Variants in ARHGEF3 observed in about 807,000 individuals in gnomAD.
The protein encoded by ARHGEF3 is 59.8 kDA protein.
A neutral mutation model predicts 63.2 loss-of-function variants in ARHGEF3; 28 were observed. The ratio of observed to expected loss-of-function variants is 0.44; its 90% CI spans 0.33 to 0.61. ARHGEF3 has a LOEUF of 0.61. ARHGEF3 is among the 20% of genes least tolerant of loss of function. The pLI is 0.03. For missense variants in ARHGEF3, 533 were observed against 659.3 expected (o/e 0.81, Z 2.10); for synonymous variants, 266 against 254.2 (o/e 1.05, Z -0.44).
At position 56,783,996 on chromosome 3, in the gene ARHGEF3, A is replaced by G. The variant is rs947235017; in HGVS notation, c.97-10180T>C. 4.6e-5 allele frequency among the ~76,000 whole-genome samples: 7 copies of G among 152,180 alleles called. No homozygotes were observed. The East Asian group carries it at 1.2e-3, about 25-fold the overall frequency. On this transcript the variant is annotated intron_variant, in intron 1 of 9. Transcript: ENST00000296315. ...GGCAGAGGGAGAACTGCACACCCAC[A>G]CCCCTGTTAAGTTCCTTTTAGCAAA...
chr3:56,872,170 T>C (rs1007727034), intron 4 of ARHGEF3, among the ~76,000 whole-genome samples: 2 of 152,178 alleles, frequency 1.3e-5, no homozygotes, highest in Non-Finnish European at 2.9e-5. Context: ...TGGGCACATA[T>C]AAACAGTCTT....
chr3:56,987,450 G>C, intron 2 of ARHGEF3, among the ~76,000 whole-genome samples: 1 of 152,194 alleles, frequency 6.6e-6, no homozygotes, highest in East Asian at 1.9e-4. Flanking sequence ...GGAGTAGGAG[G>C]GAAGTGTTTG....
chr3:56,968,188 ATT>A (rs1700707146), intron 2 of ARHGEF3, among the ~76,000 whole-genome samples: 2 of 15,030 alleles, frequency 1.3e-4, no homozygotes, highest in Non-Finnish European at 1.7e-4. Context: ...AAAAATATAT[ATT>A]ATATATAATA....
intron 4 of ARHGEF3, among the ~76,000 whole-genome samples, chr3:56,808,743 A>G (rs1399270986): frequency 1.3e-5 from 2 of 152,208 alleles, no homozygotes; most frequent in Non-Finnish European, 2.9e-5. Context: ...ATACTTCTCA[A>G]CCAATGGTGA....
intron 1 of ARHGEF3, among the ~76,000 whole-genome samples, chr3:56,782,414 C>T (rs923371977): frequency 1.7e-4 from 26 of 152,270 alleles, no homozygotes; most frequent in African/African-American, 5.8e-4. Flanking sequence ...GCTTTGTGGA[C>T]TTTGACAAAC....
rs568349447 is a variant in ARHGEF3, at chr3:57,014,875, C to T, written c.62+20213G>A. Among the ~76,000 whole-genome samples, 5 of 152,132 alleles carry T rather than the reference C, an allele frequency of 3.3e-5. No individual in the cohort carries two copies. In the South Asian group the frequency reaches 6.2e-4, roughly 19 times the overall value. Reference sequence around the variant, plus strand: ...TATTTTTTTGTATTTTTACTAGTCACGGGGTTTCACCGTGTTAGCCAGGAT... The same window carrying T: ...TATTTTTTTGTATTTTTACTAGTCATGGGGTTTCACCGTGTTAGCCAGGAT... On this transcript the variant is annotated intron_variant, in intron 2 of 12. Transcript: ENST00000338458.
At chr3:56,979,178 A>G (rs181811286) in intron 2 of ARHGEF3, among the ~76,000 whole-genome samples, 33 of 152,338 alleles carry the variant, frequency 2.2e-4, no homozygotes, top group Admixed American at 2.0e-3. Flanking sequence ...CTCCTTGAAA[A>G]TTTCTACATA....
At chr3:57,045,901 T>C (rs1014355982) in intron 1 of ARHGEF3, among the ~76,000 whole-genome samples, 2 of 152,218 alleles carry the variant, frequency 1.3e-5, no homozygotes, top group African/African-American at 4.8e-5. Context: ...ATGAGCTTCA[T>C]AGAATCAACA....
chr3:57,012,136 A>G (rs1355358297), intron 2 of ARHGEF3, among the ~76,000 whole-genome samples: 1 of 152,196 alleles, frequency 6.6e-6, no homozygotes, highest in African/African-American at 2.4e-5. Flanking sequence ...CCTGCCTCAA[A>G]ACCCAAGAGC....
At chr3:56,871,108 C>T (rs1452471646) in intron 4 of ARHGEF3, among the ~76,000 whole-genome samples, 1 of 152,024 alleles carries the variant, frequency 6.6e-6, no homozygotes, top group Non-Finnish European at 1.5e-5. Flanking sequence ...GGGACTGGGG[C>T]ATGGTAGAGT....
intron 2 of ARHGEF3, among the ~76,000 whole-genome samples, chr3:57,030,392 G>A (rs1030410710): frequency 5.3e-5 from 8 of 152,164 alleles, no homozygotes; most frequent in South Asian, 2.1e-4. Flanking sequence ...TATATAATCC[G>A]TGCCTGGAAG....
intron 3 of ARHGEF3, among the ~76,000 whole-genome samples, chr3:56,936,578 T>C (rs1391899128): frequency 6.6e-6 from 1 of 152,216 alleles, no homozygotes; most frequent in Non-Finnish European, 1.5e-5. Context: ...GATGTTTTCC[T>C]GCCCAAAAGT....
intron 9 of ARHGEF3, chr3:56,731,934 T>C (rs2033191618): frequency 5.4e-6 from 3 of 559,856 alleles, no homozygotes; most frequent in African/African-American, 1.9e-5. Context: ...TTTTATCCAA[T>C]GGAAAAAGAC....
intron 3 of ARHGEF3, chr3:56,958,755 T>A: frequency 1.4e-6 from 2 of 1,477,718 alleles, no homozygotes; most frequent in Non-Finnish European, 1.9e-6. Flanking sequence ...CAGCGTCCGT[T>A]CTGGAGGCCA....
intron 3 of ARHGEF3, among the ~76,000 whole-genome samples, chr3:56,908,468 G>A (rs1487088976): frequency 9.9e-5 from 15 of 152,228 alleles, no homozygotes; most frequent in Non-Finnish European, 1.5e-5. Context: ...AGAAAGAGGT[G>A]AGGTGACAAG....
chr3:57,025,791 C>T (rs775109694), intron 2 of ARHGEF3, among the ~76,000 whole-genome samples: 1 of 152,198 alleles, frequency 6.6e-6, no homozygotes, highest in Non-Finnish European at 1.5e-5. Flanking sequence ...CCTGCCTGTC[C>T]TACTCACCAA....
chr3:57,030,617 G>A (rs923706554), intron 2 of ARHGEF3, among the ~76,000 whole-genome samples: 4 of 152,144 alleles, frequency 2.6e-5, no homozygotes, highest in East Asian at 1.9e-4. Flanking sequence ...AGAAAGACAA[G>A]GACTTTTCCC....
chr3:56,822,600 C>CCTA (rs2038551495), intron 4 of ARHGEF3, among the ~76,000 whole-genome samples: 1 of 152,038 alleles, frequency 6.6e-6, no homozygotes, highest in South Asian at 2.1e-4. Context: ...GTGATTCATA[C>CCTA]CTATAATCCT....
chr3:56,745,475 C>G lies in ARHGEF3; in HGVS notation c.613-13G>C. On this transcript the variant is annotated splice_polypyrimidine_tract_variant and intron_variant, in intron 6 of 9. Transcript: ENST00000296315. Reference sequence around the variant, plus strand: ...TGAGGCAAGGGAGCTAAGAAGGAAACAGAAAGAGAAGGTTGGAATGTCAAA... The same window carrying G: ...TGAGGCAAGGGAGCTAAGAAGGAAAGAGAAAGAGAAGGTTGGAATGTCAAA... 1 of 1,611,108 alleles carries G rather than the reference C, an allele frequency of 6.2e-7. No individual in the cohort carries two copies. Among genetic ancestry groups the G allele is most frequent in the Non-Finnish European group, 8.5e-7 (1 of 1,178,518 alleles).
Sources: allele counts gnomAD v4.1 joint callset (sites outside exome capture counted in the v4.1 genomes callset), GRCh38; gene constraint gnomAD v4.1.1; transcripts MANE v1.5; gene names NCBI Gene and HGNC (gene_info 2026-07-23, HGNC 2026-07-21).